Variants in SEC23B observed in about 807,000 individuals in gnomAD.
SEC23B encodes the protein protein transport protein Sec23B.
SEC23B carries 77 observed loss-of-function variants against 104.3 expected under a neutral mutation model. The ratio of observed to expected loss-of-function variants is 0.74; its 90% confidence interval spans 0.61 to 0.89. The LOEUF is 0.89. Among genes scored for constraint, SEC23B ranks in the 40% least tolerant of loss-of-function variants. The pLI is 0.00. For missense variants in SEC23B, 885 were observed against 949.4 expected (o/e 0.93, Z 0.89); for synonymous variants, 338 against 332.5 (o/e 1.02, Z -0.18).
intron 14 of SEC23B, among the ~76,000 whole-genome samples, chr20:18,544,121 A>AG (rs1305050654): frequency 1.3e-5 from 2 of 152,172 alleles, no homozygotes; most frequent in African/African-American, 4.8e-5. Context: ...CAGCAGGCAA[A>AG]GGGGGTGAGT....
At chr20:18,511,719 A>G (rs2059983753) in intron 2 of SEC23B, among the ~76,000 whole-genome samples, 1 of 152,236 alleles carries the variant, frequency 6.6e-6, no homozygotes, top group African/African-American at 2.4e-5. Flanking sequence ...GGGAAAAGTA[A>G]CTGAAGCATT....
At chr20:18,526,631 C>G in intron 8 of SEC23B, 100 bp downstream of exon 8, 1 of 1,210,656 alleles carries the variant, frequency 8.3e-7, no homozygotes, top group Non-Finnish European at 1.2e-6. Flanking sequence ...GTGTCATGGT[C>G]AGCAAGACGC....
intron 9 of SEC23B, among the ~76,000 whole-genome samples, chr20:18,527,823 C>T (rs1054709239): frequency 6.6e-6 from 1 of 152,150 alleles, no homozygotes; most frequent in African/African-American, 2.4e-5. Flanking sequence ...ACAAATAAGT[C>T]GTTTCAGAGT....
chr20:18,559,718 C>G (rs1243295065), intron 19 of SEC23B, among the ~76,000 whole-genome samples: 1 of 152,174 alleles, frequency 6.6e-6, no homozygotes, highest in East Asian at 1.9e-4. Context: ...AATTTGCCAG[C>G]TTCCTCAGCT....
chr20:18,559,841 T>G (rs1399573272), intron 19 of SEC23B, among the ~76,000 whole-genome samples: 1 of 152,136 alleles, frequency 6.6e-6, no homozygotes. Flanking sequence ...AAAGTCTTCT[T>G]ATGTTTGGTT....
chr20:18,531,652 C>A (rs1232700849), intron 10 of SEC23B, among the ~76,000 whole-genome samples: 249 of 99,350 alleles, frequency 2.5e-3, no homozygotes, highest in African/African-American at 4.5e-3. Flanking sequence ...GAAACTGTCT[C>A]AAAAAAAAAA....
intron 15 of SEC23B, among the ~76,000 whole-genome samples, chr20:18,547,552 C>G (rs1240861662): frequency 6.6e-6 from 1 of 152,096 alleles, no homozygotes; most frequent in Non-Finnish European, 1.5e-5. Flanking sequence ...GCAGTGTCAT[C>G]CCTTGTCCCT....
At position 18,542,366 on chromosome 20, in the gene SEC23B, C is replaced by T. The variant is rs757801115; in HGVS notation, c.1475C>T (p.Thr492Ile). 10 of 1,614,110 alleles carry T rather than the reference C, an allele frequency of 6.2e-6. No individual in the cohort carries two copies. Among genetic ancestry groups the T allele is most frequent in the Non-Finnish European group, 8.5e-6 (10 of 1,180,044 alleles). ...GTCACGCATTATCAGCACTCCAGCACCCAGAGACGCATCCGCGTGACCACC... is the reference window on the plus strand; with the variant it reads ...GTCACGCATTATCAGCACTCCAGCATCCAGAGACGCATCCGCGTGACCACC... ...QFVTHYQHSS[T>I]QRRIRVTTIA... The change falls in exon 13 of 20, where the codon ACC becomes ATC. Residue 492 changes from threonine to isoleucine, a missense_variant. Physicochemically the swap from Thr to Ile is moderately conservative, Grantham distance 89. Coordinates refer to ENST00000650089, the MANE Select transcript of SEC23B (RefSeq NM_006363.6).
In SEC23B at chr20:18,512,167, A is replaced by G; in HGVS notation, c.222-58A>G. On this transcript the variant is annotated intron_variant, in intron 2 of 19. Coordinates refer to ENST00000650089, the MANE Select transcript of SEC23B (RefSeq NM_006363.6). ...ATGAACGCTTTCTACCTTAAAAATAAAAATTTTATTTTAAAAATAAAAGTG... is the reference window on the plus strand; with the variant it reads ...ATGAACGCTTTCTACCTTAAAAATAGAAATTTTATTTTAAAAATAAAAGTG... The G allele has an allele frequency of 6.4e-6, 7 of 1,099,418 alleles. No individual in the cohort carries two copies. In the South Asian group the frequency reaches 1.0e-4, roughly 16 times the overall value. 68.1% of individuals were successfully genotyped at this position (1,099,418 alleles called of 1,614,324 possible).
Position 18,561,060 on chromosome 20 carries a change from G to C in SEC23B, c.*320G>C. The stretch of plus-strand genomic sequence containing the variant: ...GGTGAGAATCTTAATGATCATAAAG[G>C]AAATAAATCTAGATGCAGAAAGTAC... On this transcript the variant is annotated 3_prime_UTR_variant, in exon 20 of 20. Coordinates refer to ENST00000650089, the MANE Select transcript of SEC23B (RefSeq NM_006363.6). The C allele has an allele frequency of 2.9e-6, 1 of 348,874 alleles. No homozygotes were observed. Among genetic ancestry groups the C allele is most frequent in the South Asian group, 2.5e-5 (1 of 39,304 alleles). The allele number at this position is 348,874 out of a possible 1,614,324, so 21.6% of individuals were successfully genotyped here.
Position 18,535,370 on chromosome 20 carries a change from A to T in SEC23B, c.1315-283A>T, listed in dbSNP as rs1320935176. ...AGCCTGGGCAACAGAGTGAGAGACC[A>T]TCTCAAAATAAATAAACATAAATAA... is the stretch of plus-strand genomic sequence containing the variant. On this transcript the variant is annotated intron_variant, in intron 11 of 19. Transcript: ENST00000650089. Among the ~76,000 whole-genome samples, 4 of 152,284 alleles carry T rather than the reference A, an allele frequency of 2.6e-5. No individual in the cohort carries two copies. In the East Asian group the frequency reaches 7.7e-4, roughly 29 times the overall value.
chr20:18,519,161 G>A (rs2060060521), intron 4 of SEC23B, among the ~76,000 whole-genome samples: 1 of 152,180 alleles, frequency 6.6e-6, no homozygotes, highest in Non-Finnish European at 1.5e-5. Flanking sequence ...TGATCAGGGT[G>A]AGGAATAGGA....
chr20:18,520,010 G>A (rs989341246), intron 4 of SEC23B, among the ~76,000 whole-genome samples: 10 of 152,178 alleles, frequency 6.6e-5, no homozygotes, highest in Non-Finnish European at 1.0e-4. Context: ...CCTGATGGGT[G>A]TCAGGGTCAG....
intron 4 of SEC23B, among the ~76,000 whole-genome samples, chr20:18,523,407 T>TC (rs2060102837): frequency 6.8e-6 from 1 of 146,362 alleles, no homozygotes; most frequent in Non-Finnish European, 1.5e-5. Flanking sequence ...CTTTTTTTTT[T>TC]TTTTTTCTTT....
chr20:18,561,111 G>C lies in SEC23B; in HGVS notation c.*371G>C. Reference sequence around the variant, plus strand: ...TGGCTAAAATATTGCTAATACAAATGTGATTTCCTGAGGTCTCTGTGTGAG... The same window carrying C: ...TGGCTAAAATATTGCTAATACAAATCTGATTTCCTGAGGTCTCTGTGTGAG... On this transcript the variant is annotated 3_prime_UTR_variant, in exon 20 of 20. Coordinates refer to ENST00000650089, the MANE Select transcript of SEC23B (RefSeq NM_006363.6). The C allele has an allele frequency of 6.4e-6, 2 of 313,530 alleles. No homozygotes were observed. The highest frequency in any genetic ancestry group is 5.6e-5 in the South Asian group (2 of 35,596). The allele number at this position is 313,530 out of a possible 1,614,324, so 19.4% of individuals were successfully genotyped here.
chr20:18,536,258 T>A (rs951333563), intron 12 of SEC23B, among the ~76,000 whole-genome samples: 11 of 152,200 alleles, frequency 7.2e-5, no homozygotes, highest in Non-Finnish European at 1.2e-4. Context: ...CTATTGCATA[T>A]AAAAGTTATG....
Position 18,526,390 on chromosome 20 carries a change from A to G in SEC23B, c.852A>G (p.Thr284=), listed in dbSNP as rs113238907. 6.2e-7 allele frequency: 1 copy of G among 1,614,156 alleles called. No individual in the cohort carries two copies. The highest frequency in any genetic ancestry group is 8.5e-7 in the Non-Finnish European group (1 of 1,179,976). The change falls in exon 8 of 20, where the codon ACA becomes ACG. Residue 284 remains threonine, a synonymous_variant. Transcript: ENST00000650089. The part of the protein sequence containing the change: ...VGLLEGTFPN[T]GARIMLFTGG... ...TATTTTAGGGCACTTTTCCAAACAC[A>G]GGAGCCAGGATCATGCTGTTTACTG... is the stretch of plus-strand genomic sequence containing the variant.
rs975134186 is a variant in SEC23B, at chr20:18,561,054, A to G, written c.*314A>G. 3.8e-5 allele frequency: 13 copies of G among 341,814 alleles called. No individual in the cohort carries two copies. Among genetic ancestry groups the G allele is most frequent in the Non-Finnish European group, 6.1e-5 (11 of 180,734 alleles). 21.2% of individuals were successfully genotyped at this position (341,814 alleles called of 1,614,324 possible). A position where few individuals can be genotyped will look rare whatever the true frequency, so the allele number is the denominator to read the frequency against. On this transcript the variant is annotated 3_prime_UTR_variant, in exon 20 of 20. Transcript: ENST00000650089. The stretch of plus-strand genomic sequence containing the variant: ...TGTTTAGGTGAGAATCTTAATGATC[A>G]TAAAGGAAATAAATCTAGATGCAGA...
At chr20:18,538,358 T>C (rs1215764001) in intron 12 of SEC23B, among the ~76,000 whole-genome samples, 1 of 151,372 alleles carries the variant, frequency 6.6e-6, no homozygotes, top group Admixed American at 6.6e-5. Context: ...CACGCCATTC[T>C]CCTGCCTCAG....
Sources: gnomAD v4.1 joint callset for allele counts (sites outside exome capture counted in the v4.1 genomes callset) on GRCh38, gnomAD v4.1.1 for gene constraint, MANE v1.5 for transcripts, NCBI Gene and HGNC (gene_info 2026-07-23, HGNC 2026-07-21) for gene names.